Variants in UBP1 observed in about 807,000 individuals in gnomAD.
The protein encoded by UBP1 is upstream-binding protein 1.
UBP1 carries 22 observed loss-of-function variants against 76.1 expected under a neutral mutation model. That is an observed-to-expected ratio of 0.29 (90% confidence interval 0.21 to 0.41). UBP1 has a LOEUF of 0.41. Ranked by LOEUF, UBP1 falls within the 10% of genes least tolerant of loss-of-function variation. The probability of loss-of-function intolerance (pLI) is 1.00; values close to 1 mark genes in which losing one functional copy is unlikely to be tolerated. For synonymous variants in UBP1, 224 were observed against 237.1 expected (o/e 0.94, Z 0.51); for missense variants, 436 against 668.1 (o/e 0.65, Z 3.83).
rs2043654645 is a variant in UBP1 at position 33,389,200 on chromosome 3, G to A, written c.*1131C>T. 1 of 152,524 alleles carries A rather than the reference G, an allele frequency of 6.6e-6. No homozygotes were observed. The highest frequency in any genetic ancestry group is 2.1e-4 in the South Asian group (1 of 4,828). 9.4% of individuals were successfully genotyped at this position (152,524 alleles called of 1,614,324 possible). On this transcript the variant is annotated 3_prime_UTR_variant, in exon 16 of 16. Coordinates refer to ENST00000283629, the MANE Select transcript of UBP1 (RefSeq NM_014517.5). ...CTTATAGAGAAAGAAGCTAGTATGT[G>A]GTGTATAAAAAGCCCCTAAATCATC...
intron 13 of UBP1, 94 bp from the exon 14 acceptor site, chr3:33,393,548 T>G: frequency 8.3e-7 from 1 of 1,211,340 alleles, no homozygotes; most frequent in Non-Finnish European, 1.1e-6. Context: ...GGTCACACCT[T>G]TCAAAGTACC....
intron 15 of UBP1, chr3:33,391,723 C>T (rs1199557246): frequency 6.6e-6 from 1 of 152,246 alleles, no homozygotes; most frequent in Non-Finnish European, 1.5e-5. Flanking sequence ...GATACCATCA[C>T]CTTTCACCTG....
chr3:33,435,227 C>T (rs902439496), intron 1 of UBP1, among the ~76,000 whole-genome samples: 1 of 152,026 alleles, frequency 6.6e-6, no homozygotes, highest in African/African-American at 2.4e-5. Context: ...AGTTGTTAAA[C>T]CTTGAAATTA....
chr3:33,407,977 G>A (rs1559678488), intron 8 of UBP1, among the ~76,000 whole-genome samples: 1 of 152,074 alleles, frequency 6.6e-6, no homozygotes. Flanking sequence ...TACTTAACTG[G>A]ACAAAGCACA....
In UBP1 at chr3:33,388,344, A is replaced by ACAAT. The variant is rs1442005347; in HGVS notation, c.*1983_*1986dup. On this transcript the variant is annotated 3_prime_UTR_variant, in exon 16 of 16. Transcript: ENST00000283629. Reference sequence around the variant, plus strand: ...TTTAAATGAGACACACATTTGCAAAACAATCAGAAAACATTTATTATACTG... The same window carrying ACAAT: ...TTTAAATGAGACACACATTTGCAAAACAATCAATCAGAAAACATTTATTATACTG... The ACAAT allele has an allele frequency of 6.6e-6, 1 of 152,626 alleles. No homozygotes were observed. Among genetic ancestry groups the ACAAT allele is most frequent in the South Asian group, 2.1e-4 (1 of 4,828 alleles). 9.5% of individuals were successfully genotyped at this position (152,626 alleles called of 1,614,324 possible).
chr3:33,438,707 T>G lies in UBP1; in HGVS notation c.113+1029A>C, dbSNP rs140072069. ...AACCTTTCTGAGAGTTCTTTATGGC[T>G]CAGAATTTCTCCTTAAGATTTAAAG... On this transcript the variant is annotated intron_variant, in intron 1 of 15. Transcript: ENST00000283629. Among the ~76,000 whole-genome samples the G allele has an allele frequency of 2.6e-3, 397 of 152,256 alleles. 1 individual carries two copies. Among genetic ancestry groups the G allele is most frequent in the Admixed American group, 5.3e-3 (81 of 15,292 alleles).
At chr3:33,418,259 A>G (rs1453566743) in intron 2 of UBP1, among the ~76,000 whole-genome samples, 2 of 152,044 alleles carry the variant, frequency 1.3e-5, no homozygotes, top group African/African-American at 2.4e-5. Flanking sequence ...ATTTTTATTT[A>G]TTTATTTATT....
At chr3:33,396,727 A>G in intron 12 of UBP1, 1 of 543,998 alleles carries the variant, frequency 1.8e-6, no homozygotes, top group Non-Finnish European at 3.5e-6. Flanking sequence ...TGAAAACCAT[A>G]GATTCTGTAT....
At chr3:33,416,918 G>C in intron 2 of UBP1, 84 bp from the exon 3 acceptor site, 1 of 1,136,522 alleles carries the variant, frequency 8.8e-7, no homozygotes, top group Non-Finnish European at 1.3e-6. Context: ...ATGTTTCTCA[G>C]AACATACATT....
chr3:33,412,978 G>A, intron 3 of UBP1, 151 bp from the exon 4 acceptor site: 1 of 487,342 alleles, frequency 2.1e-6, no homozygotes, highest in East Asian at 3.1e-5. Flanking sequence ...TTTTGCCCTT[G>A]GATACCTGGA....
At chr3:33,427,764 A>G (rs2045043447) in intron 1 of UBP1, among the ~76,000 whole-genome samples, 2 of 152,262 alleles carry the variant, frequency 1.3e-5, no homozygotes, top group South Asian at 2.1e-4. Context: ...AAACACTCCT[A>G]CGTACACAAG....
At chr3:33,439,636 C>A in intron 1 of UBP1, 100 bp downstream of exon 1, 1 of 1,348,020 alleles carries the variant, frequency 7.4e-7, no homozygotes, top group African/African-American at 1.5e-5. Context: ...CCCAGGAGGC[C>A]CGCGCACCTC....
chr3:33,416,585 C>A (rs573478596), intron 3 of UBP1, among the ~76,000 whole-genome samples, 173 bp downstream of exon 3: 4 of 152,156 alleles, frequency 2.6e-5, no homozygotes, highest in Non-Finnish European at 5.9e-5. Context: ...TTCAAAATTA[C>A]TCTACCCAAT....
intron 8 of UBP1, among the ~76,000 whole-genome samples, chr3:33,405,062 G>A (rs948290916): frequency 1.2e-4 from 18 of 152,150 alleles, no homozygotes; most frequent in African/African-American, 4.1e-4. Flanking sequence ...TATGGTCACA[G>A]CAAATTTTAA....
intron 14 of UBP1, 160 bp from the exon 15 acceptor site, chr3:33,392,774 C>G (rs2043820479): frequency 1.6e-6 from 1 of 635,942 alleles, no homozygotes; most frequent in Non-Finnish European, 2.7e-6. Context: ...TGCACACGTG[C>G]TGCACTGCCT....
chr3:33,409,369 T>A (rs1456377266), intron 6 of UBP1, 23 bp from the exon 7 acceptor site: 1 of 1,614,040 alleles, frequency 6.2e-7, no homozygotes, highest in Admixed American at 1.7e-5. Context: ...GTATACTATT[T>A]CATCTATCAG....
chr3:33,430,419 C>A (rs1450983401), intron 1 of UBP1, among the ~76,000 whole-genome samples: 2 of 152,104 alleles, frequency 1.3e-5, no homozygotes, highest in Non-Finnish European at 2.9e-5. Flanking sequence ...AGGGGTCTGA[C>A]AAGCAAGTGA....
intron 7 of UBP1, 38 bp from the exon 8 acceptor site, chr3:33,408,835 A>C (rs1171099016): frequency 6.5e-7 from 1 of 1,548,734 alleles, no homozygotes; most frequent in Non-Finnish European, 8.9e-7. Flanking sequence ...ATGTCTTTTC[A>C]TTATACAAAG....
rs544932911 is a variant in UBP1 at position 33,390,631 on chromosome 3, A to AG, written c.1586-264dup. 1.8e-3 allele frequency: 945 copies of AG among 527,084 alleles called. 5 individuals carry two copies. The highest frequency in any genetic ancestry group is 4.7e-3 in the Middle Eastern group (10 of 2,132). 32.7% of individuals were successfully genotyped at this position (527,084 alleles called of 1,614,324 possible). On this transcript the variant is annotated intron_variant, in intron 15 of 15. Transcript: ENST00000283629. ...AACACTGTCTGCCAGTTCTGGGGGT[A>AG]GGGGGACATCTATCAAGACACACAA...
Sources: gnomAD v4.1 joint callset for allele counts (sites outside exome capture counted in the v4.1 genomes callset) on GRCh38, gnomAD v4.1.1 for gene constraint, MANE v1.5 for transcripts, NCBI Gene and HGNC (gene_info 2026-07-23, HGNC 2026-07-21) for gene names.